The following PGM2L1 variants were observed in gnomAD, a reference collection of about 807,000 sequenced individuals.
PGM2L1 encodes glucose 1,6-bisphosphate synthase.
Under a neutral mutation model 73.4 loss-of-function variants are expected in PGM2L1, and 35 were observed. The observed-to-expected ratio is 0.48, with a 90% confidence interval of 0.36 to 0.63. The LOEUF is 0.63. PGM2L1 is among the 30% of genes least tolerant of loss of function. PGM2L1 has a pLI of 0.00. For synonymous variants in PGM2L1, 225 were observed against 253.8 expected (o/e 0.89, Z 1.08); for missense variants, 570 against 742.0 (o/e 0.77, Z 2.69).
At chr11:74,342,021 G>A (rs1862190271) in intron 12 of PGM2L1, among the ~76,000 whole-genome samples, 1 of 151,972 alleles carries the variant, frequency 6.6e-6, no homozygotes, top group African/African-American at 2.4e-5. Context: ...GAGCAGTGAG[G>A]GGAACTAGAG....
chr11:74,337,947 T>G (rs892139055), intron 13 of PGM2L1, among the ~76,000 whole-genome samples: 1 of 152,174 alleles, frequency 6.6e-6, no homozygotes, highest in African/African-American at 2.4e-5. Context: ...AAAACCTGTA[T>G]GTAAATGTTC....
At chr11:74,347,992 T>C (rs1463310556) in intron 6 of PGM2L1, among the ~76,000 whole-genome samples, 1 of 152,076 alleles carries the variant, frequency 6.6e-6, no homozygotes, top group Non-Finnish European at 1.5e-5. Flanking sequence ...CTTATTCCTT[T>C]CCTCCCCCTT....
At chr11:74,377,282 C>A (rs11236081) in intron 1 of PGM2L1, among the ~76,000 whole-genome samples, 24,301 of 151,758 alleles carry the variant, frequency 0.16, 2,187 homozygotes, top group East Asian at 0.29. Context: ...TACAGGCGCC[C>A]GCCACCACGC....
intron 1 of PGM2L1, among the ~76,000 whole-genome samples, chr11:74,378,711 T>G (rs927394719): frequency 1.3e-5 from 2 of 152,142 alleles, no homozygotes; most frequent in Non-Finnish European, 2.9e-5. Context: ...GGAGTTTTCT[T>G]TTTTCTATAT....
chr11:74,365,270 A>T (rs1474422592), intron 5 of PGM2L1, among the ~76,000 whole-genome samples: 1 of 152,222 alleles, frequency 6.6e-6, no homozygotes, highest in Non-Finnish European at 1.5e-5. Context: ...TCCCAGAAGA[A>T]AACCTAGGCA....
chr11:74,382,799 T>G (rs1230651742), intron 1 of PGM2L1, among the ~76,000 whole-genome samples: 1 of 152,166 alleles, frequency 6.6e-6, no homozygotes, highest in African/African-American at 2.4e-5. Context: ...GCACCTGCTT[T>G]GTACTATATT....
At chr11:74,358,257 A>G (rs1022429774) in intron 5 of PGM2L1, among the ~76,000 whole-genome samples, 9 of 152,222 alleles carry the variant, frequency 5.9e-5, no homozygotes, top group African/African-American at 2.2e-4. Context: ...ACAAGTGGGT[A>G]TATGGGAAAT....
intron 6 of PGM2L1, among the ~76,000 whole-genome samples, chr11:74,348,114 G>T (rs1862297344): frequency 6.6e-6 from 1 of 152,106 alleles, no homozygotes; most frequent in African/African-American, 2.4e-5. Flanking sequence ...TAACGAGGAG[G>T]TGTTCTTTGT....
At chr11:74,373,554 CAA>C (rs1862807935) in intron 2 of PGM2L1, among the ~76,000 whole-genome samples, 1 of 152,092 alleles carries the variant, frequency 6.6e-6, no homozygotes, top group African/African-American at 2.4e-5. Flanking sequence ...TGATTCACTG[CAA>C]AGAGAAGCAA....
intron 6 of PGM2L1, among the ~76,000 whole-genome samples, chr11:74,349,151 T>A (rs1306606748): frequency 6.6e-6 from 1 of 152,226 alleles, no homozygotes; most frequent in Non-Finnish European, 1.5e-5. Flanking sequence ...AAAATAATGA[T>A]CCTTCATCAA....
chr11:74,381,388 A>G (rs190432778), intron 1 of PGM2L1, among the ~76,000 whole-genome samples: 22 of 152,184 alleles, frequency 1.4e-4, no homozygotes, highest in Admixed American at 1.4e-3. Context: ...GACTCTAAGG[A>G]CCTAGAGGAG....
intron 5 of PGM2L1, among the ~76,000 whole-genome samples, chr11:74,366,519 A>T (rs1367913480): frequency 6.6e-6 from 1 of 151,910 alleles, no homozygotes; most frequent in African/African-American, 2.4e-5. Flanking sequence ...ATGGCAAGAA[A>T]GAGTCACTGA....
chr11:74,337,885 C>G (rs901111140), intron 13 of PGM2L1, among the ~76,000 whole-genome samples: 3 of 152,116 alleles, frequency 2.0e-5, no homozygotes, highest in Non-Finnish European at 2.9e-5. Flanking sequence ...TATGACCCAG[C>G]AGTTCACTCC....
chr11:74,347,431 A>C, intron 6 of PGM2L1, 94 bp from the exon 7 acceptor site: 2 of 1,097,252 alleles, frequency 1.8e-6, no homozygotes, highest in Non-Finnish European at 2.5e-6. Context: ...AAATGTGATT[A>C]AATGTGATTT....
intron 10 of PGM2L1, 44 bp from the exon 11 acceptor site, chr11:74,343,058 C>G (rs1233307739): frequency 6.5e-7 from 1 of 1,548,200 alleles, no homozygotes; most frequent in Non-Finnish European, 8.7e-7. Context: ...AAACTTAAGG[C>G]TATAATTTCA....
Position 74,364,471 on chromosome 11 carries a change from G to A in PGM2L1, c.555+4021C>T, listed in dbSNP as rs1423032872. ...GATTGTATATTTAGAAAACCCCATCGTCTCAGCCAAAATCTCCTTAAGCTG... is the reference window on the plus strand; with the variant it reads ...GATTGTATATTTAGAAAACCCCATCATCTCAGCCAAAATCTCCTTAAGCTG... On this transcript the variant is annotated intron_variant, in intron 5 of 13. Coordinates refer to ENST00000298198, the MANE Select transcript of PGM2L1 (RefSeq NM_173582.6). Among the ~76,000 whole-genome samples the A allele has an allele frequency of 5.3e-5, 8 of 152,144 alleles. No individual in the cohort carries two copies. The South Asian group carries it at 6.2e-4, about 12-fold the overall frequency.
intron 6 of PGM2L1, among the ~76,000 whole-genome samples, chr11:74,348,524 T>C (rs1862302438): frequency 6.6e-6 from 1 of 152,158 alleles, no homozygotes; most frequent in Non-Finnish European, 1.5e-5. Context: ...CATCATTACA[T>C]CTAACAAAAT....
chr11:74,354,477 A>G, intron 5 of PGM2L1: 1 of 1,050,762 alleles, frequency 9.5e-7, no homozygotes, highest in Non-Finnish European at 1.5e-6. Flanking sequence ...GAGCCTGAAC[A>G]GCTGAGGAAG....
In PGM2L1 at chr11:74,351,408, C is replaced by A. The variant is rs544252782; in HGVS notation, c.724G>T (p.Asp242Tyr). ...LQDICRRYME[D>Y]LKKICFYREL... is the part of the protein sequence containing the mutation. ...CTGTAAAAACAGATCTTTTTCAGAT[C>A]TTCCATGTATCTCCTGCAAATGTCC... The change falls in exon 6 of 14, where the codon GAT (aspartate) becomes TAT (tyrosine). Residue 242 changes from aspartate (D) to tyrosine (Y), a missense_variant. Transcript: ENST00000298198. 1 of 1,612,966 alleles carries A rather than the reference C, an allele frequency of 6.2e-7. No homozygotes were observed. Among genetic ancestry groups the A allele is most frequent in the South Asian group, 1.1e-5 (1 of 90,836 alleles).
Sources: allele counts gnomAD v4.1 joint callset (sites outside exome capture counted in the v4.1 genomes callset), GRCh38; gene constraint gnomAD v4.1.1; transcripts MANE v1.5; gene names NCBI Gene and HGNC (gene_info 2026-07-23, HGNC 2026-07-21).